Variants in CFAP74 observed in about 807,000 individuals in gnomAD.
CFAP74 encodes the protein cilia- and flagella-associated protein 74.
Under a neutral mutation model 188.9 loss-of-function variants are expected in CFAP74, and 124 were observed. That is an observed-to-expected ratio of 0.66 (90% confidence interval 0.57 to 0.76). The LOEUF is 0.76. Ranked by LOEUF, CFAP74 falls within the 30% of genes least tolerant of loss-of-function variation. The pLI, the probability that CFAP74 is intolerant of heterozygous loss-of-function variation, is 0.00. For synonymous variants in CFAP74, 956 were observed against 916.7 expected (o/e 1.04, Z -0.77); for missense variants, 2,198 against 2,165.2 (o/e 1.02, Z -0.30).
At chr1:1,965,703 C>A (rs1486403384) in intron 12 of CFAP74, among the ~76,000 whole-genome samples, 2 of 152,346 alleles carry the variant, frequency 1.3e-5, no homozygotes, top group Admixed American at 1.3e-4. Flanking sequence ...GCAGCCTTCT[C>A]CCTTGGGTGT....
intron 20 of CFAP74, among the ~76,000 whole-genome samples, chr1:1,945,556 G>A (rs866399714): frequency 2.6e-5 from 4 of 152,136 alleles, no homozygotes; most frequent in African/African-American, 9.6e-5. Flanking sequence ...GGCTGGGCAC[G>A]GTGGCTCACT....
At chr1:1,988,168 A>G (rs1327116014) in intron 4 of CFAP74, 1 of 509,772 alleles carries the variant, frequency 2.0e-6, no homozygotes, top group Non-Finnish European at 4.0e-6. Context: ...CATGTCTGTG[A>G]TTTGCTTTAA....
At position 1,942,139 on chromosome 1, in the gene CFAP74, C is replaced by T. The variant is rs184680773; in HGVS notation, c.2504G>A (p.Arg835His). ...CTCCTTGCACACCTCGAACTTCAGG[C>T]GCAGGGCAGCTTTCGACCTGTGGGC... ...LVHTRSKAALRLKFEVCKELR... is the reference protein window; with the variant it reads ...LVHTRSKAALHLKFEVCKELR... Residue 835 changes from arginine (R) to histidine (H), a missense_variant, in exon 22 of 39, where the codon CGC becomes CAC. Coordinates refer to ENST00000682832, the MANE Select transcript of CFAP74 (RefSeq NM_001304360.2). The surrounding 1 kb of genome is among the most constrained non-coding windows in gnomAD (Gnocchi z 4.3). 2.3e-4 allele frequency: 349 copies of T among 1,522,208 alleles called. No individual in the cohort carries two copies. The highest frequency in any genetic ancestry group is 2.8e-4 in the Non-Finnish European group (320 of 1,141,310). 94.3% of individuals were successfully genotyped at this position (1,522,208 alleles called of 1,614,324 possible).
At chr1:1,970,519 C>T (rs1472794905) in intron 10 of CFAP74, 140 bp downstream of exon 10, 9 of 928,302 alleles carry the variant, frequency 9.7e-6, no homozygotes, top group Non-Finnish European at 1.4e-5. Context: ...AGCCCCTGTT[C>T]CCGTGCCCCA....
In CFAP74 at chr1:1,985,406, C is replaced by T; in HGVS notation, c.480G>A (p.Glu160=). The T allele has an allele frequency of 6.2e-7, 1 of 1,614,108 alleles. No individual in the cohort carries two copies. Among genetic ancestry groups the T allele is most frequent in the Non-Finnish European group, 8.5e-7 (1 of 1,180,016 alleles). Residue 160 remains glutamate, a synonymous_variant, in exon 6 of 39, where the codon GAG becomes GAA. Transcript: ENST00000682832. ...CTCACTCGCTCTCCTTCAGCACGGC[C>T]TCAGTCCTCGACTGCAGGTCTCTCT... ...ENERDLQSRT[E]AVLKESENTM...
chr1:1,942,888 C>A lies in CFAP74; in HGVS notation c.2487-732G>T, dbSNP rs1223629892. ...GTGGCAGTGAGAAATCTCCTCCCTC[C>A]TGTGCTTCCATGCGACAGTCACCCA... On this transcript the variant is annotated intron_variant, in intron 21 of 38. Coordinates refer to ENST00000682832, the MANE Select transcript of CFAP74 (RefSeq NM_001304360.2). The surrounding 1 kb of genome is among the most constrained non-coding windows in gnomAD (Gnocchi z 4.3). 2.0e-5 allele frequency among the ~76,000 whole-genome samples: 3 copies of A among 152,208 alleles called. No individual in the cohort carries two copies. Among genetic ancestry groups the A allele is most frequent in the Admixed American group, 2.0e-4 (3 of 15,280 alleles).
In CFAP74 at chr1:1,947,052, G is replaced by C; in HGVS notation, c.2179C>G (p.Pro727Ala). Residue 727 changes from proline (P) to alanine (A), a missense_variant and splice_region_variant, in exon 19 of 39, where the codon CCA (proline) becomes GCA (alanine). By Grantham distance (27) the Pro-to-Ala change is conservative. Coordinates refer to ENST00000682832, the MANE Select transcript of CFAP74 (RefSeq NM_001304360.2). The stretch of plus-strand genomic sequence containing the variant: ...GGTATCACTGTGGTTAATCTCTCTG[G>C]TTCTGGAAGAGAAGGGGGATCCAGA... ...KEQEEEQPAE[P>A]ERLTTVIPPS... 6.5e-7 allele frequency: 1 copy of C among 1,535,548 alleles called. No individual in the cohort carries two copies. Among genetic ancestry groups the C allele is most frequent in the Non-Finnish European group, 8.7e-7 (1 of 1,146,352 alleles).
At chr1:1,937,657 C>T (rs1652991529) in intron 25 of CFAP74, among the ~76,000 whole-genome samples, 1 of 152,174 alleles carries the variant, frequency 6.6e-6, no homozygotes, top group Admixed American at 6.5e-5. Flanking sequence ...GGCCTCTGCC[C>T]CAGAACACAT....
chr1:1,986,810 G>A, intron 5 of CFAP74, 127 bp downstream of exon 5: 3 of 717,326 alleles, frequency 4.2e-6, no homozygotes, highest in Admixed American at 4.4e-5. Context: ...TCGTGTTGTG[G>A]CCTCACACTG....
chr1:1,980,776 G>T (rs1270454755), intron 6 of CFAP74, among the ~76,000 whole-genome samples: 1 of 152,168 alleles, frequency 6.6e-6, no homozygotes, highest in African/African-American at 2.4e-5. Context: ...CCCTCCACGG[G>T]GTCTCTCTCG....
At position 1,973,416 on chromosome 1, in the gene CFAP74, G is replaced by A. The variant is rs192743479; in HGVS notation, c.675-369C>T. Among the ~76,000 whole-genome samples, 89 of 152,274 alleles carry A rather than the reference G, an allele frequency of 5.8e-4. 1 individual carries two copies. Among genetic ancestry groups the A allele is most frequent in the Admixed American group, 5.1e-3 (78 of 15,292 alleles). On this transcript the variant is annotated intron_variant, in intron 7 of 38. Transcript: ENST00000682832. The surrounding 1 kb of genome is among the most constrained non-coding windows in gnomAD (Gnocchi z 6.2). ...GGGCCTGGATTCCACAGGGGTTTGT[G>A]GCCTGGGCAGCTGAAGGGAAGGAAT...
chr1:1,930,432 G>A (rs1166299131), intron 25 of CFAP74, 96 bp from the exon 26 acceptor site: 3 of 1,273,460 alleles, frequency 2.4e-6, no homozygotes, highest in Non-Finnish European at 3.2e-6. Flanking sequence ...CAAGCCCCGG[G>A]GGGGGCTCAC....
At chr1:1,970,227 G>A (rs1278106542) in intron 10 of CFAP74, among the ~76,000 whole-genome samples, 2 of 152,230 alleles carry the variant, frequency 1.3e-5, no homozygotes, top group African/African-American at 2.4e-5. Context: ...GCAGCAGGAA[G>A]CCAGGTGGAC....
At chr1:1,997,640 G>C (rs751895306) in intron 1 of CFAP74, among the ~76,000 whole-genome samples, 1 of 151,994 alleles carries the variant, frequency 6.6e-6, no homozygotes, top group Non-Finnish European at 1.5e-5. Flanking sequence ...ATTTAGAAAA[G>C]CTACCGTTTA....
At chr1:1,978,981 G>A (rs1243302042) in intron 6 of CFAP74, among the ~76,000 whole-genome samples, 1 of 151,896 alleles carries the variant, frequency 6.6e-6, no homozygotes, top group Non-Finnish European at 1.5e-5. Flanking sequence ...GCGTGGGAAG[G>A]CGTCACGTGA....
rs760008142 is a variant in CFAP74 at position 1,993,850 on chromosome 1, CG to C, written c.-19-2876del. Among the ~76,000 whole-genome samples, 7 of 150,892 alleles carry C rather than the reference CG, an allele frequency of 4.6e-5. No individual in the cohort carries two copies. In the East Asian group the frequency reaches 1.4e-3, roughly 29 times the overall value. On this transcript the variant is annotated intron_variant, in intron 1 of 38. Transcript: ENST00000682832. Reference sequence around the variant, plus strand: ...ACAAAAAATTAGCCGGGCGTGGTGGCGGGCGCCTATAGTCCCAGCTACTCGG... The same window carrying C: ...ACAAAAAATTAGCCGGGCGTGGTGGCGGCGCCTATAGTCCCAGCTACTCGG...
At chr1:1,939,253 G>A (rs1040645429) in intron 24 of CFAP74, among the ~76,000 whole-genome samples, 15 of 152,350 alleles carry the variant, frequency 9.8e-5, no homozygotes, top group Admixed American at 2.6e-4. Context: ...GGAGGATGGC[G>A]GTGTTGGCGG....
chr1:1,935,849 C>T (rs1314471384), intron 25 of CFAP74, among the ~76,000 whole-genome samples: 2 of 148,846 alleles, frequency 1.3e-5, no homozygotes, highest in South Asian at 2.1e-4. Flanking sequence ...AAAGTTGGGA[C>T]CTTTTTTTTT....
intron 2 of CFAP74, 22 bp from the exon 3 acceptor site, chr1:1,988,995 T>TA (rs144487103): frequency 0.099 from 89,374 of 903,304 alleles, 600 homozygotes; most frequent in Non-Finnish European, 0.12. Flanking sequence ...GGCAAGAGTT[T>TA]AAAAAAAAAA....
Sources: allele counts gnomAD v4.1 joint callset (sites outside exome capture counted in the v4.1 genomes callset), GRCh38; gene constraint gnomAD v4.1.1; non-coding constraint Gnocchi (gnomAD v3.1); transcripts MANE v1.5; gene names NCBI Gene and HGNC (gene_info 2026-07-23, HGNC 2026-07-21).